SGCD: variants seen among roughly 807,000 people sequenced by gnomAD.
The protein encoded by SGCD is delta-sarcoglycan.
In SGCD, 18 loss-of-function variants were observed where a neutral mutation model predicts 36.6. The observed-to-expected ratio is 0.49, with a 90% CI of 0.34 to 0.73. The LOEUF is 0.73. Among genes scored for constraint, SGCD ranks in the 30% least tolerant of loss-of-function variants. The pLI is 0.01. For synonymous variants in SGCD, 133 were observed against 130.6 expected (o/e 1.02, Z -0.12); for missense variants, 387 against 346.7 (o/e 1.12, Z -0.92).
intron 1 of SGCD, among the ~76,000 whole-genome samples, chr5:155,890,836 A>G (rs547380614): frequency 6.6e-6 from 1 of 151,932 alleles, no homozygotes; most frequent in Non-Finnish European, 1.5e-5. Context: ...GCATCATTCT[A>G]CTCAAGACTC....
intron 4 of SGCD, among the ~76,000 whole-genome samples, chr5:156,510,623 T>C (rs889808348): frequency 1.3e-5 from 2 of 152,208 alleles, no homozygotes; most frequent in Non-Finnish European, 2.9e-5. Flanking sequence ...TTTTCTTTTT[T>C]ACAGCTCTCA....
chr5:156,680,938 A>G (rs1004756667), intron 7 of SGCD, among the ~76,000 whole-genome samples: 1 of 152,024 alleles, frequency 6.6e-6, no homozygotes, highest in African/African-American at 2.4e-5. Flanking sequence ...CATGGGAGGG[A>G]GTGTGCCAGC....
At chr5:156,444,918 C>A (rs1350246688) in intron 3 of SGCD, among the ~76,000 whole-genome samples, 1 of 152,158 alleles carries the variant, frequency 6.6e-6, no homozygotes, top group Non-Finnish European at 1.5e-5. Context: ...AGTAGTTTTA[C>A]AGATGGTGGT....
At chr5:156,612,795 T>A (rs957666289) in intron 6 of SGCD, among the ~76,000 whole-genome samples, 1 of 152,200 alleles carries the variant, frequency 6.6e-6, no homozygotes, top group African/African-American at 2.4e-5. Flanking sequence ...ATTGTTAAGA[T>A]GCTGTGGTGC....
At chr5:156,390,095 G>GTA (rs1771483704) in intron 3 of SGCD, among the ~76,000 whole-genome samples, 1 of 151,998 alleles carries the variant, frequency 6.6e-6, no homozygotes, top group South Asian at 2.1e-4. Context: ...TTGTATAAAA[G>GTA]TATAGCACAT....
In SGCD at chr5:156,611,976, T is replaced by C. The variant is rs1761831789; in HGVS notation, c.502+16925T>C. ...ATTTCTCATTCAGATGATGAATTTTTTCCTATTTCATTGAATTGGTGGTCT... is the reference window on the plus strand; with the variant it reads ...ATTTCTCATTCAGATGATGAATTTTCTCCTATTTCATTGAATTGGTGGTCT... On this transcript the variant is annotated intron_variant, in intron 6 of 8. Transcript: ENST00000337851. Among the ~76,000 whole-genome samples, 3 of 152,232 alleles carry C rather than the reference T, an allele frequency of 2.0e-5. No individual in the cohort carries two copies. In the South Asian group the frequency reaches 6.2e-4, roughly 31 times the overall value.
chr5:156,627,117 G>A (rs1581280414), intron 6 of SGCD, among the ~76,000 whole-genome samples: 1 of 152,150 alleles, frequency 6.6e-6, no homozygotes, highest in South Asian at 2.1e-4. Flanking sequence ...ATTTTAGTGG[G>A]GTCCCTGGAT....
At chr5:156,133,771 G>GT (rs1762383806) in intron 3 of SGCD, among the ~76,000 whole-genome samples, 1 of 151,946 alleles carries the variant, frequency 6.6e-6, no homozygotes, top group African/African-American at 2.4e-5. Flanking sequence ...AAAGATCTGT[G>GT]TTTTTCCCCT....
intron 7 of SGCD, among the ~76,000 whole-genome samples, chr5:156,707,571 G>A (rs552831144): frequency 3.9e-5 from 6 of 152,212 alleles, no homozygotes; most frequent in Admixed American, 2.0e-4. Flanking sequence ...TTGAAATAAT[G>A]TGTTCCTTGT....
At chr5:156,079,850 A>G (rs1238377452) in intron 1 of SGCD, among the ~76,000 whole-genome samples, 1 of 152,132 alleles carries the variant, frequency 6.6e-6, no homozygotes, top group Non-Finnish European at 1.5e-5. Context: ...TGGTGGATCT[A>G]CCATTTTGGA....
At chr5:156,683,652 C>A (rs1753802201) in intron 7 of SGCD, among the ~76,000 whole-genome samples, 1 of 152,218 alleles carries the variant, frequency 6.6e-6, no homozygotes, top group Non-Finnish European at 1.5e-5. Context: ...TACAAAGCAT[C>A]TAAACCCCTA....
At chr5:156,103,467 T>G (rs1013474554) in intron 1 of SGCD, among the ~76,000 whole-genome samples, 13 of 152,250 alleles carry the variant, frequency 8.5e-5, no homozygotes, top group Admixed American at 5.2e-4. Context: ...GTTTAACACA[T>G]AATAAAAAAT....
intron 3 of SGCD, among the ~76,000 whole-genome samples, chr5:156,468,520 A>G (rs1754813041): frequency 6.6e-6 from 1 of 152,182 alleles, no homozygotes; most frequent in Non-Finnish European, 1.5e-5. Flanking sequence ...ATGACAACAG[A>G]GAAGGGACAA....
chr5:156,444,094 CTCTCTCTCTCTCTCTCTCT>C lies in SGCD; in HGVS notation c.193-64506_193-64488del, dbSNP rs1237560913. 2.7e-3 allele frequency among the ~76,000 whole-genome samples: 320 copies of C among 119,194 alleles called. 2 individuals are homozygous for C. Among genetic ancestry groups the C allele is most frequent in the African/African-American group, 0.011 (292 of 26,996 alleles). 78.2% of individuals were successfully genotyped at this position (119,194 alleles called of 152,430 possible). A position where few individuals can be genotyped will look rare whatever the true frequency, so the allele number is the denominator to read the frequency against. On this transcript the variant is annotated intron_variant, in intron 3 of 8. Transcript: ENST00000337851. Reference sequence around the variant, plus strand: ...TCTCTCTCTCTCTCTCTCTCTCTCTCTCTCTCTCTCTCTCTCTCTCTCCCCTTCCCTCTCTCTCTCTCTC... The same window carrying C: ...TCTCTCTCTCTCTCTCTCTCTCTCTCCTCCCCTTCCCTCTCTCTCTCTCTC...
Position 156,404,488 on chromosome 5 carries a change from G to A in SGCD, c.192+59811G>A, listed in dbSNP as rs115309315. On this transcript the variant is annotated intron_variant, in intron 3 of 8. Transcript: ENST00000337851. ...GTCAGTGTTTCTCTTCTGAATCACC[G>A]TGAGGGCTCCTTGCCTCTGCCTTTT... Among the ~76,000 whole-genome samples the A allele has an allele frequency of 2.1e-3, 320 of 152,242 alleles. 1 individual carries two copies. The highest frequency in any genetic ancestry group is 0.01 in the Middle Eastern group (3 of 294).
chr5:156,605,589 A>G (rs963354407), intron 6 of SGCD, among the ~76,000 whole-genome samples: 1 of 152,140 alleles, frequency 6.6e-6, no homozygotes, highest in Non-Finnish European at 1.5e-5. Context: ...GGGTCAAATG[A>G]TATTTCTAAT....
rs1762703473 is a variant in SGCD at position 156,146,037 on chromosome 5, C to T, written c.-44+22018C>T. Reference sequence around the variant, plus strand: ...GACCATCCTGGCTAACATGGTGAAACCCCGTCACTACTAAAAATACAAAAA... The same window carrying T: ...GACCATCCTGGCTAACATGGTGAAATCCCGTCACTACTAAAAATACAAAAA... On this transcript the variant is annotated intron_variant, in intron 3 of 9. Transcript: ENST00000517913. Among the ~76,000 whole-genome samples the T allele has an allele frequency of 2.0e-5, 3 of 151,928 alleles. No individual in the cohort carries two copies. The South Asian group carries it at 6.2e-4, about 32-fold the overall frequency.
chr5:156,165,752 A>T (rs1252901962), intron 3 of SGCD, among the ~76,000 whole-genome samples: 1 of 152,202 alleles, frequency 6.6e-6, no homozygotes, highest in African/African-American at 2.4e-5. Context: ...TTACAGATAC[A>T]CTATTTTAGG....
At chr5:155,792,157 G>A in the SGCD span, among the ~76,000 whole-genome samples, 1 of 152,080 alleles carries the variant, frequency 6.6e-6, no homozygotes, top group South Asian at 2.1e-4. Flanking sequence ...GTGGGGAAAG[G>A]ACTTCCTATT....
Sources: allele counts gnomAD v4.1 joint callset (sites outside exome capture counted in the v4.1 genomes callset), GRCh38; gene constraint gnomAD v4.1.1; transcripts MANE v1.5; gene names NCBI Gene and HGNC (gene_info 2026-07-23, HGNC 2026-07-21).